ERI3: variants seen among roughly 807,000 people sequenced by gnomAD.
ERI3 encodes ERI1 exoribonuclease 3.
Under a neutral mutation model 44.4 loss-of-function variants are expected in ERI3, and 18 were observed. That is an observed-to-expected ratio of 0.41 (90% confidence interval 0.28 to 0.60). The LOEUF (loss-of-function observed/expected upper bound fraction) is 0.60. Among genes scored for constraint, ERI3 ranks in the 20% least tolerant of loss-of-function variants. ERI3 has a pLI of 0.36. For synonymous variants in ERI3, 183 were observed against 164.8 expected (o/e 1.11, Z -0.84); for missense variants, 294 against 435.5 (o/e 0.68, Z 2.89).
intron 6 of ERI3, among the ~76,000 whole-genome samples, chr1:44,303,745 A>G (rs1385287973): frequency 6.6e-6 from 1 of 152,020 alleles, no homozygotes; most frequent in Non-Finnish European, 1.5e-5. Flanking sequence ...GTCCCAATAA[A>G]CAGTTTGGAC....
intron 7 of ERI3, among the ~76,000 whole-genome samples, chr1:44,258,950 G>C (rs572122023): frequency 1.3e-5 from 2 of 152,294 alleles, no homozygotes; most frequent in East Asian, 3.9e-4. Context: ...CCAACATCCT[G>C]GCTCCTGTAT....
At chr1:44,300,902 C>A (rs1270986889) in intron 6 of ERI3, among the ~76,000 whole-genome samples, 1 of 152,172 alleles carries the variant, frequency 6.6e-6, no homozygotes, top group Non-Finnish European at 1.5e-5. Flanking sequence ...CTGCACTGCA[C>A]GACTGGCTTC....
Position 44,319,653 on chromosome 1 carries a change from G to C in ERI3, c.581C>G (p.Pro194Arg), listed in dbSNP as rs1439055030. The C allele has an allele frequency of 6.2e-7, 1 of 1,613,926 alleles. No homozygotes were observed. The highest frequency in any genetic ancestry group is 1.7e-5 in the Admixed American group (1 of 60,022). Residue 194 changes from proline (P) to arginine (R), a missense_variant, in exon 4 of 9, where the codon CCA (proline) becomes CGA (arginine). Pro to Arg is a moderately radical substitution (Grantham distance 103). Around this residue, in one of 2 missense-constraint regions of ERI3, gnomAD observed 187 missense variants for 338.6 expected, o/e 0.55. Coordinates refer to ENST00000372257, the MANE Select transcript of ERI3 (RefSeq NM_024066.3). Reference protein sequence around the residue: ...FHMYVQPVVHPQLTPFCTELT... With the variant: ...FHMYVQPVVHRQLTPFCTELT... ...CTCTGTACAGAATGGGGTAAGCTGTGGATGGACTACAGGCTGGACATACAT... is the reference window on the plus strand; with the variant it reads ...CTCTGTACAGAATGGGGTAAGCTGTCGATGGACTACAGGCTGGACATACAT...
At chr1:44,301,165 C>T (rs540453475) in intron 6 of ERI3, among the ~76,000 whole-genome samples, 46 of 152,286 alleles carry the variant, frequency 3.0e-4, no homozygotes, top group African/African-American at 1.1e-3. Flanking sequence ...TGGGGCTAAC[C>T]CGGTGCACCT....
chr1:44,244,001 T>TA (rs1033509716), intron 8 of ERI3: 5 of 152,160 alleles, frequency 3.3e-5, no homozygotes, highest in African/African-American at 1.2e-4. Flanking sequence ...TCTTCATCTA[T>TA]AAAATGGGAA....
chr1:44,259,091 A>G (rs753940427), intron 7 of ERI3, among the ~76,000 whole-genome samples: 1 of 152,230 alleles, frequency 6.6e-6, no homozygotes, highest in Non-Finnish European at 1.5e-5. Context: ...GCACATATAT[A>G]GCAACAGAGC....
At chr1:44,352,402 T>C in intron 2 of ERI3, among the ~76,000 whole-genome samples, 1 of 148,570 alleles carries the variant, frequency 6.7e-6, no homozygotes, top group Admixed American at 6.8e-5. Flanking sequence ...CCTAGCAAGG[T>C]CTCATAGATA....
chr1:44,303,526 C>A (rs767208551), intron 6 of ERI3, among the ~76,000 whole-genome samples: 3 of 152,066 alleles, frequency 2.0e-5, no homozygotes, highest in Admixed American at 6.5e-5. Flanking sequence ...CAATCTAGTG[C>A]GAGAGAAAGA....
intron 2 of ERI3, among the ~76,000 whole-genome samples, chr1:44,345,729 T>C (rs1646770827): frequency 6.6e-6 from 1 of 152,220 alleles, no homozygotes; most frequent in Non-Finnish European, 1.5e-5. Flanking sequence ...CTAATGAATA[T>C]ATCCTTACTG....
chr1:44,225,678 AG>A (rs1391113702), intron 8 of ERI3, among the ~76,000 whole-genome samples: 1 of 152,190 alleles, frequency 6.6e-6, no homozygotes, highest in Admixed American at 6.5e-5. Context: ...TCCACACAGA[AG>A]GGTTGCTCAG....
At chr1:44,298,485 T>TA (rs1645655660) in intron 6 of ERI3, among the ~76,000 whole-genome samples, 1 of 152,220 alleles carries the variant, frequency 6.6e-6, no homozygotes, top group South Asian at 2.1e-4. Flanking sequence ...TACAGTATAA[T>TA]AGATGTTCCA....
At chr1:44,318,009 C>T (rs144568370) in intron 4 of ERI3, among the ~76,000 whole-genome samples, 2 of 152,332 alleles carry the variant, frequency 1.3e-5, no homozygotes, top group Admixed American at 1.3e-4. Context: ...AAGATCCCAA[C>T]TACCACTCCT....
At chr1:44,281,357 G>A (rs779010778) in intron 7 of ERI3, among the ~76,000 whole-genome samples, 17 of 152,068 alleles carry the variant, frequency 1.1e-4, no homozygotes, top group Non-Finnish European at 2.2e-4. Flanking sequence ...GGAGGCTGAA[G>A]AGGGAGGACT....
At chr1:44,234,136 C>G (rs771260974) in intron 8 of ERI3, among the ~76,000 whole-genome samples, 10 of 152,298 alleles carry the variant, frequency 6.6e-5, no homozygotes, top group Middle Eastern at 3.4e-3. Context: ...CCTTCTCACT[C>G]TCTCTCCGTG....
intron 1 of ERI3, chr1:44,353,912 C>T: frequency 1.0e-6 from 1 of 985,332 alleles, no homozygotes; most frequent in South Asian, 4.7e-5. Context: ...GAAAAGGCAG[C>T]CAAGTGGGTT....
chr1:44,303,471 T>G (rs1439572000), intron 6 of ERI3, among the ~76,000 whole-genome samples: 1 of 152,236 alleles, frequency 6.6e-6, no homozygotes, highest in Non-Finnish European at 1.5e-5. Context: ...GAACAACTAC[T>G]ATGTGTCAAG....
chr1:44,294,334 T>C lies in ERI3; in HGVS notation c.759-9427A>G, dbSNP rs531864468. Among the ~76,000 whole-genome samples, 229 of 152,278 alleles carry C rather than the reference T, an allele frequency of 1.5e-3. 4 individuals are homozygous for C. The highest frequency in any genetic ancestry group is 5.2e-3 in the African/African-American group (218 of 41,552). ...CTCCAAAAGACACTGTATATGCATATAGCGCCTCCCTGATCCATGGCTCTT... is the reference window on the plus strand; with the variant it reads ...CTCCAAAAGACACTGTATATGCATACAGCGCCTCCCTGATCCATGGCTCTT... On this transcript the variant is annotated intron_variant, in intron 6 of 8. Coordinates refer to ENST00000372257, the MANE Select transcript of ERI3 (RefSeq NM_024066.3).
At chr1:44,258,181 T>C (rs762783595) in intron 7 of ERI3, among the ~76,000 whole-genome samples, 1 of 152,218 alleles carries the variant, frequency 6.6e-6, no homozygotes, top group Non-Finnish European at 1.5e-5. Flanking sequence ...AGTTTGACTC[T>C]CAGAAGTTGG....
At chr1:44,255,523 T>C (rs1484205026) in intron 7 of ERI3, among the ~76,000 whole-genome samples, 1 of 152,228 alleles carries the variant, frequency 6.6e-6, no homozygotes, top group Non-Finnish European at 1.5e-5. Context: ...CTTGGGTTCC[T>C]TGGGTGATTT....
Sources: allele counts gnomAD v4.1 joint callset (sites outside exome capture counted in the v4.1 genomes callset), GRCh38; gene constraint gnomAD v4.1.1; regional missense constraint gnomAD v4.1.1; transcripts MANE v1.5; gene names NCBI Gene and HGNC (gene_info 2026-07-23, HGNC 2026-07-21).